Variants in CUX1 observed in about 807,000 individuals in gnomAD.
The protein encoded by CUX1 is protein CASP.
Under a neutral mutation model 158.8 loss-of-function variants are expected in CUX1, and 31 were observed. The observed-to-expected ratio is 0.20, with a 90% CI of 0.15 to 0.26. The LOEUF (loss-of-function observed/expected upper bound fraction) is 0.26. Among genes scored for constraint, CUX1 ranks in the 10% least tolerant of loss-of-function variants. CUX1 has a pLI of 1.00. For missense variants in CUX1, 1,589 were observed against 2,014.6 expected, an observed-to-expected ratio of 0.79 and a Z score of 4.04; for synonymous variants, 879 against 862.1, an observed-to-expected ratio of 1.02 and a Z score of -0.34.
At chr7:102,193,412 A>G (rs534594186) in intron 12 of CUX1, among the ~76,000 whole-genome samples, 6 of 152,360 alleles carry the variant, frequency 3.9e-5, no homozygotes, top group East Asian at 3.9e-4. Context: ...ATCAGATTCT[A>G]TTACTGCCAG....
chr7:102,090,182 A>G (rs1828392007), intron 4 of CUX1, among the ~76,000 whole-genome samples: 1 of 152,198 alleles, frequency 6.6e-6, no homozygotes, highest in South Asian at 2.1e-4. Context: ...ATTATTGGCT[A>G]TCTTTACAAA....
chr7:102,099,944 C>T (rs1215916351), intron 5 of CUX1, among the ~76,000 whole-genome samples: 1 of 151,940 alleles, frequency 6.6e-6, no homozygotes, highest in African/African-American at 2.4e-5. Flanking sequence ...CATCCACACT[C>T]AGGAGTGGCT....
At chr7:102,178,772 G>GCT in intron 11 of CUX1, 115 bp downstream of exon 11, 1 of 1,153,786 alleles carries the variant, frequency 8.7e-7, no homozygotes, top group Non-Finnish European at 1.2e-6. Context: ...TGGCAACCTT[G>GCT]AACCTCTGTA....
chr7:102,057,948 A>G (rs573859036), intron 3 of CUX1, among the ~76,000 whole-genome samples: 35 of 152,236 alleles, frequency 2.3e-4, no homozygotes, highest in African/African-American at 8.2e-4. Context: ...CGAAAGAGTC[A>G]ATCAAGCTAG....
chr7:101,963,700 T>C (rs897322313), intron 2 of CUX1, among the ~76,000 whole-genome samples: 2 of 152,188 alleles, frequency 1.3e-5, no homozygotes, highest in African/African-American at 4.8e-5. Context: ...TTGTCCAGGT[T>C]GGAGTGCAGT....
chr7:101,841,480 C>T (rs933448201), intron 1 of CUX1, among the ~76,000 whole-genome samples: 29 of 151,752 alleles, frequency 1.9e-4, no homozygotes, highest in African/African-American at 6.8e-4. Flanking sequence ...TATTTCTCAC[C>T]ATTATTTTAC....
rs145059820 is a variant in CUX1, at chr7:102,085,516, G to C, written c.269-11848G>C. 3.7e-3 allele frequency among the ~76,000 whole-genome samples: 566 copies of C among 152,076 alleles called. 2 individuals carry two copies. Among genetic ancestry groups the C allele is most frequent in the African/African-American group, 0.013 (546 of 41,416 alleles). ...GATGGTTTTATAAGGAGCTTTTCCC[G>C]CTTTGCTTGTCACTCCTTCCTGCTG... is the stretch of plus-strand genomic sequence containing the variant. On this transcript the variant is annotated intron_variant, in intron 4 of 23. Transcript: ENST00000292535.
chr7:101,865,631 C>T (rs749667550), intron 1 of CUX1, among the ~76,000 whole-genome samples: 1 of 152,234 alleles, frequency 6.6e-6, no homozygotes, highest in Non-Finnish European at 1.5e-5. Flanking sequence ...TTTCCACATT[C>T]ATTCTTACGC....
intron 5 of CUX1, among the ~76,000 whole-genome samples, chr7:102,100,753 G>T (rs1829683214): frequency 6.6e-6 from 1 of 151,848 alleles, no homozygotes; most frequent in Non-Finnish European, 1.5e-5. Context: ...GATCTCTTGA[G>T]GCCAGGAGTT....
rs10643207 is a variant in CUX1, at chr7:101,976,900, A to ATTTTT, written c.142-51174_142-51170dup. On this transcript the variant is annotated intron_variant, in intron 2 of 23. Transcript: ENST00000292535. ...ATTTGAATAGTCTTTTCCCTTTCTGATTTTTTTTTTTTTTTTTTTTTTTTT... is the reference window on the plus strand; with the variant it reads ...ATTTGAATAGTCTTTTCCCTTTCTGATTTTTTTTTTTTTTTTTTTTTTTTTTTTTT... Among the ~76,000 whole-genome samples the ATTTTT allele has an allele frequency of 7.6e-3, 298 of 39,448 alleles. 73 individuals carry two copies. Among genetic ancestry groups the ATTTTT allele is most frequent in the African/African-American group, 0.029 (258 of 9,018 alleles). The allele number at this position is 39,448 out of a possible 152,430, so 25.9% of individuals were successfully genotyped here.
Position 102,281,935 on chromosome 7 carries a change from G to A in CUX1, c.1902+15G>A, listed in dbSNP as rs77033884. ...TGGTCTTCCTGGTGAGTGTGCACACGGGCGGGCCAGAGGCACATTCACCAT... is the reference window on the plus strand; with the variant it reads ...TGGTCTTCCTGGTGAGTGTGCACACAGGCGGGCCAGAGGCACATTCACCAT... On this transcript the variant is annotated intron_variant, in intron 21 of 22. Coordinates refer to the CUX1 transcript ENST00000292538. 1.9e-3 allele frequency: 2,939 copies of A among 1,584,152 alleles called. 44 individuals are homozygous for A. The African/African-American group carries it at 0.036, about 20-fold the overall frequency.
Position 102,184,735 on chromosome 7 carries a change from C to T in CUX1, c.1018-5078C>T, listed in dbSNP as rs1425915106. 2.0e-5 allele frequency among the ~76,000 whole-genome samples: 3 copies of T among 152,182 alleles called. No homozygotes were observed. The East Asian group carries it at 5.8e-4, about 29-fold the overall frequency. The stretch of plus-strand genomic sequence containing the variant: ...GATCATAATTCACTGCAGCCTCAAC[C>T]TCCAGGGCTCAAGTGATCCTCCCAC... On this transcript the variant is annotated intron_variant, in intron 11 of 23. Transcript: ENST00000292535.
chr7:102,176,804 C>T (rs1554512146), intron 10 of CUX1, among the ~76,000 whole-genome samples: 1 of 151,820 alleles, frequency 6.6e-6, no homozygotes, highest in Non-Finnish European at 1.5e-5. Flanking sequence ...AACTCTTGAG[C>T]TCGGGTGATC....
intron 3 of CUX1, among the ~76,000 whole-genome samples, chr7:102,041,459 G>A (rs1249345885): frequency 6.6e-6 from 1 of 151,024 alleles, no homozygotes; most frequent in Non-Finnish European, 1.5e-5. Context: ...TTACCATGTT[G>A]TTCAGGCTGG....
chr7:101,893,207 T>A (rs1437256727), intron 1 of CUX1, among the ~76,000 whole-genome samples: 1 of 139,020 alleles, frequency 7.2e-6, no homozygotes, highest in Non-Finnish European at 1.5e-5. Context: ...GAGGGCTTGC[T>A]GTGTTGCCCA....
intron 1 of CUX1, among the ~76,000 whole-genome samples, chr7:101,861,239 CCA>C (rs1306787149): frequency 6.6e-6 from 1 of 152,192 alleles, no homozygotes; most frequent in Non-Finnish European, 1.5e-5. Flanking sequence ...TTAGCTGCGC[CCA>C]CCAGTCCTTG....
intron 15 of CUX1, chr7:102,273,521 A>G: frequency 6.3e-7 from 1 of 1,591,284 alleles, no homozygotes; most frequent in Non-Finnish European, 8.6e-7. Context: ...CCCCATGCCC[A>G]TCTCGATACC....
chr7:102,068,883 A>G lies in CUX1; in HGVS notation c.190-1456A>G, dbSNP rs115846569. Among the ~76,000 whole-genome samples the G allele has an allele frequency of 6.0e-3, 919 of 152,326 alleles. 9 individuals carry two copies. The highest frequency in any genetic ancestry group is 0.021 in the African/African-American group (884 of 41,568). On this transcript the variant is annotated intron_variant, in intron 3 of 23. Transcript: ENST00000292535. Reference sequence around the variant, plus strand: ...GCTAAATATTCTAACAAGTCAGTCCAACCATGGCAGGCTCTTTGCATATGC... The same window carrying G: ...GCTAAATATTCTAACAAGTCAGTCCGACCATGGCAGGCTCTTTGCATATGC...
chr7:102,230,536 A>G (rs189275424), intron 21 of CUX1, among the ~76,000 whole-genome samples: 93 of 152,034 alleles, frequency 6.1e-4, no homozygotes, highest in Non-Finnish European at 1.1e-3. Context: ...GAGTTCCACT[A>G]AAGTTTGCTC....
Sources: allele counts gnomAD v4.1 joint callset (sites outside exome capture counted in the v4.1 genomes callset), GRCh38; gene constraint gnomAD v4.1.1; transcripts MANE v1.5; gene names NCBI Gene and HGNC (gene_info 2026-07-23, HGNC 2026-07-21).